SNAP29: variants seen among roughly 807,000 people sequenced by gnomAD.
The protein encoded by SNAP29 is synaptosomal-associated protein 29.
In SNAP29, 13 loss-of-function variants were observed where a neutral mutation model predicts 27.9. The ratio of observed to expected loss-of-function variants is 0.47; its 90% CI spans 0.30 to 0.74. The LOEUF (loss-of-function observed/expected upper bound fraction) is 0.74, where lower values mean the gene tolerates loss of function less well. Among genes scored for constraint, SNAP29 ranks in the 30% least tolerant of loss-of-function variants. The pLI, the probability that SNAP29 is intolerant of heterozygous loss-of-function variation, is 0.06. For missense variants in SNAP29, 368 were observed against 336.5 expected, an observed-to-expected ratio of 1.09 and a Z score of -0.73; for synonymous variants, 119 against 127.1, an observed-to-expected ratio of 0.94 and a Z score of 0.43.
chr22:20,883,444 T>C lies in SNAP29; in HGVS notation c.521-27T>C, dbSNP rs777217518. On this transcript the variant is annotated intron_variant, in intron 3 of 4. Coordinates refer to ENST00000215730, the MANE Select transcript of SNAP29 (RefSeq NM_004782.4). ...ATTTGAAGGAATGTCAATTAACCGC[T>C]CTCCTGGTGTTTCCTTCTAAACTTA... 1.4e-5 allele frequency: 19 copies of C among 1,397,924 alleles called. No homozygotes were observed. The South Asian group carries it at 2.1e-4, about 15-fold the overall frequency. 86.6% of individuals were successfully genotyped at this position (1,397,924 alleles called of 1,614,324 possible).
rs909351177 is a variant in SNAP29 at position 20,883,536 on chromosome 22, C to A, written c.586C>A (p.Arg196=). ...TDAYPKNPHL[R]AYHQKIDSNL... is the part of the protein sequence containing the mutation. ...TGCTTACCCAAAGAACCCACACCTT[C>A]GAGCCTATCACCAGAAGATCGACAG... Residue 196 remains arginine, a synonymous_variant, in exon 4 of 5, where the codon CGA becomes AGA. Coordinates refer to ENST00000215730, the MANE Select transcript of SNAP29 (RefSeq NM_004782.4). 2.5e-6 allele frequency: 4 copies of A among 1,613,296 alleles called. No individual in the cohort carries two copies. Among genetic ancestry groups the A allele is most frequent in the Non-Finnish European group, 3.4e-6 (4 of 1,179,460 alleles).
intron 1 of SNAP29, among the ~76,000 whole-genome samples, chr22:20,867,737 C>T (rs562493874): frequency 6.6e-6 from 1 of 152,344 alleles, no homozygotes; most frequent in African/African-American, 2.4e-5. Flanking sequence ...AATCAGCCAT[C>T]TGGTTTCCTT....
intron 4 of SNAP29, among the ~76,000 whole-genome samples, chr22:20,884,524 C>T (rs1033109437): frequency 2.6e-5 from 4 of 151,998 alleles, no homozygotes; most frequent in East Asian, 1.9e-4. Flanking sequence ...TGGATGGGCT[C>T]CCCCGACTCT....
chr22:20,886,644 C>T (rs1192769776), intron 4 of SNAP29, among the ~76,000 whole-genome samples: 3 of 151,166 alleles, frequency 2.0e-5, no homozygotes, highest in African/African-American at 7.3e-5. Context: ...CGGAGTCTTG[C>T]TCTGTCGCCC....
At chr22:20,877,231 G>C (rs1304200420) in intron 2 of SNAP29, among the ~76,000 whole-genome samples, 1 of 151,992 alleles carries the variant, frequency 6.6e-6, no homozygotes, top group African/African-American at 2.4e-5. Context: ...GACCAGCCTA[G>C]CCAACATGAT....
intron 2 of SNAP29, among the ~76,000 whole-genome samples, chr22:20,874,378 C>G (rs1411034870): frequency 7.3e-6 from 1 of 137,250 alleles, no homozygotes; most frequent in African/African-American, 2.7e-5. Flanking sequence ...CACACACACA[C>G]ACACACACAC....
At chr22:20,872,913 T>C (rs1024414126) in intron 2 of SNAP29, among the ~76,000 whole-genome samples, 1 of 126,070 alleles carries the variant, frequency 7.9e-6, no homozygotes, top group African/African-American at 3.0e-5. Flanking sequence ...CACTGAAACC[T>C]CTGTCTCCCA....
At chr22:20,866,755 G>T (rs546175896) in intron 1 of SNAP29, among the ~76,000 whole-genome samples, 1 of 152,172 alleles carries the variant, frequency 6.6e-6, no homozygotes, top group African/African-American at 2.4e-5. Flanking sequence ...CCAACTCTTC[G>T]TTGTGATTTG....
chr22:20,863,560 TG>T (rs1157391368), intron 1 of SNAP29, among the ~76,000 whole-genome samples: 1 of 152,162 alleles, frequency 6.6e-6, no homozygotes, highest in Non-Finnish European at 1.5e-5. Context: ...GGAGAAGTAG[TG>T]GGAGCAGGGC....
chr22:20,861,170 T>G (rs1303420955), intron 1 of SNAP29, among the ~76,000 whole-genome samples: 1 of 135,526 alleles, frequency 7.4e-6, no homozygotes, highest in South Asian at 2.5e-4. Context: ...CAGACTGGAG[T>G]GCAGTGGCAC....
At chr22:20,869,590 C>T (rs1418757624) in intron 1 of SNAP29, among the ~76,000 whole-genome samples, 2 of 152,144 alleles carry the variant, frequency 1.3e-5, no homozygotes, top group East Asian at 1.9e-4. Context: ...GGCCAGGAGG[C>T]TCAGGTGGCC....
chr22:20,874,366 C>A (rs914557867), intron 2 of SNAP29, among the ~76,000 whole-genome samples: 16 of 122,258 alleles, frequency 1.3e-4, no homozygotes, highest in African/African-American at 5.0e-4. Flanking sequence ...CACACACACA[C>A]ACACACACAC....
chr22:20,885,321 G>A (rs935778409), intron 4 of SNAP29, among the ~76,000 whole-genome samples: 1 of 152,130 alleles, frequency 6.6e-6, no homozygotes, highest in African/African-American at 2.4e-5. Context: ...AAGGTATCTA[G>A]TGGAAGGCAA....
chr22:20,869,717 C>G (rs1440185437), intron 1 of SNAP29, among the ~76,000 whole-genome samples: 2 of 152,302 alleles, frequency 1.3e-5, no homozygotes, highest in African/African-American at 4.8e-5. Flanking sequence ...TAGAGAGAAT[C>G]TGCTTCCAGT....
chr22:20,877,510 C>T (rs886807507), intron 2 of SNAP29, among the ~76,000 whole-genome samples: 4 of 152,058 alleles, frequency 2.6e-5, no homozygotes, highest in South Asian at 2.1e-4. Flanking sequence ...AAGCCAAGAT[C>T]GCACCATTGT....
chr22:20,871,990 A>C (rs2147865151), intron 2 of SNAP29, among the ~76,000 whole-genome samples: 1 of 152,302 alleles, frequency 6.6e-6, no homozygotes, highest in East Asian at 1.9e-4. Flanking sequence ...ATTTCAGATC[A>C]CTGTGTCTGT....
intron 2 of SNAP29, among the ~76,000 whole-genome samples, chr22:20,873,126 G>A (rs1190453864): frequency 6.6e-6 from 1 of 151,168 alleles, no homozygotes; most frequent in Non-Finnish European, 1.5e-5. Context: ...CACCACACCT[G>A]GCCTCTCTCT....
chr22:20,874,324 ACACACACACACACACGAAAATTAGC>A (rs1928679276), intron 2 of SNAP29, among the ~76,000 whole-genome samples: 2 of 145,802 alleles, frequency 1.4e-5, no homozygotes, highest in Non-Finnish European at 3.0e-5. Context: ...ACAGACACAC[ACACACACACACACACGAAAATTAGC>A]CACACACACA....
intron 3 of SNAP29, among the ~76,000 whole-genome samples, chr22:20,883,126 A>C (rs182659602): frequency 6.6e-6 from 1 of 152,280 alleles, no homozygotes; most frequent in African/African-American, 2.4e-5. Context: ...CTTTGTCCAC[A>C]GACTGTGTAG....
Sources: gnomAD v4.1 joint callset for allele counts (sites outside exome capture counted in the v4.1 genomes callset) on GRCh38, gnomAD v4.1.1 for gene constraint, MANE v1.5 for transcripts, NCBI Gene and HGNC (gene_info 2026-07-23, HGNC 2026-07-21) for gene names.